Variants in KCNC2 observed in about 807,000 individuals in gnomAD.
KCNC2 encodes the protein potassium voltage-gated channel subfamily C member 2.
In KCNC2, 21 loss-of-function variants were observed where a neutral mutation model predicts 44.5. The ratio of observed to expected loss-of-function variants is 0.47; its 90% CI spans 0.33 to 0.68. The LOEUF is 0.68. Ranked by LOEUF, KCNC2 falls within the 30% of genes least tolerant of loss-of-function variation. The pLI is 0.01. For synonymous variants in KCNC2, 391 were observed against 339.1 expected (o/e 1.15, Z -1.68); for missense variants, 589 against 826.2 (o/e 0.71, Z 3.52).
At chr12:75,051,946 A>C (rs1881218542) in intron 2 of KCNC2, among the ~76,000 whole-genome samples, 1 of 152,042 alleles carries the variant, frequency 6.6e-6, no homozygotes, top group Non-Finnish European at 1.5e-5. Flanking sequence ...AAGGAGAAAA[A>C]CCCAGTAAAG....
intron 4 of KCNC2, 150 bp from the exon 5 acceptor site, chr12:75,043,391 TA>T (rs1324166103): frequency 1.4e-6 from 2 of 1,394,406 alleles, no homozygotes; most frequent in Admixed American, 3.2e-5. Flanking sequence ...TTTATAACTC[TA>T]AAAAAATGAA....
At chr12:75,111,947 T>C (rs926976359) in intron 2 of KCNC2, among the ~76,000 whole-genome samples, 4 of 151,656 alleles carry the variant, frequency 2.6e-5, no homozygotes, top group African/African-American at 7.2e-5. Flanking sequence ...AGAAAAGATA[T>C]TCTATTAAAA....
At chr12:75,080,251 T>C (rs1031217833) in intron 2 of KCNC2, among the ~76,000 whole-genome samples, 2 of 149,648 alleles carry the variant, frequency 1.3e-5, no homozygotes, top group Admixed American at 6.8e-5. Flanking sequence ...CTAAGAGAAA[T>C]AGGTGCACTG....
chr12:75,185,034 C>T (rs546456619), intron 2 of KCNC2, among the ~76,000 whole-genome samples: 8 of 152,174 alleles, frequency 5.3e-5, no homozygotes, highest in South Asian at 4.2e-4. Flanking sequence ...CGGAAGAAAA[C>T]GCAGAATGAA....
At chr12:75,075,890 A>T (rs1883915040) in intron 2 of KCNC2, among the ~76,000 whole-genome samples, 1 of 152,192 alleles carries the variant, frequency 6.6e-6, no homozygotes, top group African/African-American at 2.4e-5. Flanking sequence ...CTTAAGAAAG[A>T]TAATACTTCT....
chr12:75,059,941 A>T (rs982560664), intron 2 of KCNC2, among the ~76,000 whole-genome samples: 1 of 152,140 alleles, frequency 6.6e-6, no homozygotes, highest in Non-Finnish European at 1.5e-5. Flanking sequence ...CCACCACAGC[A>T]TCAATGATAA....
chr12:75,086,150 CTA>C (rs1884975787), intron 2 of KCNC2, among the ~76,000 whole-genome samples: 1 of 151,962 alleles, frequency 6.6e-6, no homozygotes, highest in Non-Finnish European at 1.5e-5. Flanking sequence ...TAAAGTTTCT[CTA>C]TACCAAAATT....
intron 2 of KCNC2, among the ~76,000 whole-genome samples, chr12:75,190,556 T>G (rs1372068619): frequency 6.6e-6 from 1 of 152,178 alleles, no homozygotes; most frequent in Non-Finnish European, 1.5e-5. Context: ...AAATGTTAGA[T>G]AGCAGGTTTT....
At position 75,043,161 on chromosome 12, in the gene KCNC2, A is replaced by G. The variant is rs1880105421; in HGVS notation, c.1861T>C (p.Tyr621His). The G allele has an allele frequency of 6.2e-7, 1 of 1,612,446 alleles. No homozygotes were observed. Among genetic ancestry groups the G allele is most frequent in the Non-Finnish European group, 8.5e-7 (1 of 1,179,044 alleles). ...CGCCTCAGAGGACAAGGAGAGTTGT[A>G]GGGTGATGTTACTGGAGAGAGCCTC... ...ALRLSPVTSPYNSPCPLRRSR... is the reference protein window; with the variant it reads ...ALRLSPVTSPHNSPCPLRRSR... Residue 621 changes from tyrosine (Y) to histidine (H), a missense_variant, in exon 5 of 5, where the codon TAC becomes CAC. By Grantham distance (83) the Tyr-to-His change is moderately conservative (BLOSUM62 2). Coordinates refer to ENST00000549446, the MANE Select transcript of KCNC2 (RefSeq NM_139137.4).
At chr12:75,133,315 T>C (rs944637276) in intron 2 of KCNC2, among the ~76,000 whole-genome samples, 1 of 151,896 alleles carries the variant, frequency 6.6e-6, no homozygotes, top group Admixed American at 6.6e-5. Flanking sequence ...TGATAAAATA[T>C]TTGAGGTTAT....
intron 2 of KCNC2, among the ~76,000 whole-genome samples, chr12:75,079,023 A>G (rs1054754515): frequency 6.6e-6 from 1 of 152,176 alleles, no homozygotes; most frequent in Non-Finnish European, 1.5e-5. Context: ...ATTAAAACAC[A>G]AAAGCTTCAT....
rs1286780541 is a variant in KCNC2 at position 75,042,229 on chromosome 12, G to T, written c.*876C>A. The T allele has an allele frequency of 4.0e-5, 63 of 1,565,408 alleles. No homozygotes were observed. In the South Asian group the frequency reaches 6.0e-4, roughly 15 times the overall value. On this transcript the variant is annotated 3_prime_UTR_variant, in exon 5 of 5. Coordinates refer to ENST00000549446, the MANE Select transcript of KCNC2 (RefSeq NM_139137.4). ...GTATTTTTTTTTTTTAAAGAGTCTA[G>T]AACCAAGCAGCAATTTCTGGCTAAA...
chr12:75,169,881 G>T (rs1891697501), intron 2 of KCNC2, among the ~76,000 whole-genome samples: 1 of 151,632 alleles, frequency 6.6e-6, no homozygotes, highest in Non-Finnish European at 1.5e-5. Context: ...GTCATTAACT[G>T]CTGTTGAAAT....
intron 2 of KCNC2, among the ~76,000 whole-genome samples, chr12:75,097,817 G>A (rs1203664934): frequency 6.6e-6 from 1 of 151,944 alleles, no homozygotes; most frequent in African/African-American, 2.4e-5. Context: ...CAAAACCAAA[G>A]TTTCATCATT....
chr12:75,041,156 C>T lies in KCNC2; in HGVS notation c.*1949G>A. 2 of 1,596,716 alleles carry T rather than the reference C, an allele frequency of 1.3e-6. No individual in the cohort carries two copies. The highest frequency in any genetic ancestry group is 1.7e-6 in the Non-Finnish European group (2 of 1,178,716). On this transcript the variant is annotated 3_prime_UTR_variant, in exon 5 of 5. Coordinates refer to ENST00000549446, the MANE Select transcript of KCNC2 (RefSeq NM_139137.4). ...GTATAGTCCTTGGTATGGCTAAATTCCACTGTCCCTTTCTCAGCAGTCAAT... is the reference window on the plus strand; with the variant it reads ...GTATAGTCCTTGGTATGGCTAAATTTCACTGTCCCTTTCTCAGCAGTCAAT...
chr12:75,126,673 G>C (rs188226479), intron 2 of KCNC2, among the ~76,000 whole-genome samples: 14 of 152,174 alleles, frequency 9.2e-5, no homozygotes, highest in African/African-American at 3.1e-4. Flanking sequence ...ACAAAGATGA[G>C]TCTGAAAATG....
chr12:75,059,521 G>T (rs1053092329), intron 2 of KCNC2, among the ~76,000 whole-genome samples: 2 of 152,038 alleles, frequency 1.3e-5, no homozygotes, highest in African/African-American at 2.4e-5. Flanking sequence ...GTGTAAAACA[G>T]TGCCACTCTT....
intron 2 of KCNC2, among the ~76,000 whole-genome samples, chr12:75,195,473 A>G (rs1793077734): frequency 6.6e-6 from 1 of 152,190 alleles, no homozygotes; most frequent in African/African-American, 2.4e-5. Context: ...TGAATGAGAA[A>G]GAAGTCATAA....
intron 2 of KCNC2, among the ~76,000 whole-genome samples, chr12:75,181,691 T>C (rs1593043899): frequency 6.6e-6 from 1 of 152,162 alleles, no homozygotes; most frequent in Admixed American, 6.5e-5. Context: ...CAAATTCTCC[T>C]CAATGATTTT....
Sources: allele counts gnomAD v4.1 joint callset (sites outside exome capture counted in the v4.1 genomes callset), GRCh38; gene constraint gnomAD v4.1.1; transcripts MANE v1.5; gene names NCBI Gene and HGNC (gene_info 2026-07-23, HGNC 2026-07-21).